The following CAMSAP2 variants were observed in gnomAD, a reference collection of about 807,000 sequenced individuals.
CAMSAP2 encodes calmodulin-regulated spectrin-associated protein 2.
CAMSAP2 carries 26 observed loss-of-function variants against 146.1 expected under a neutral mutation model. The observed-to-expected ratio is 0.18, with a 90% CI of 0.13 to 0.25. The LOEUF (loss-of-function observed/expected upper bound fraction) is 0.25. Among genes scored for constraint, CAMSAP2 ranks in the 10% least tolerant of loss-of-function variants. The probability of loss-of-function intolerance (pLI) is 1.00; values close to 1 mark genes in which losing one functional copy is unlikely to be tolerated. For synonymous variants in CAMSAP2, 499 were observed against 596.6 expected, an observed-to-expected ratio of 0.84 and a Z score of 2.38; for missense variants, 1,381 against 1,759.3, an observed-to-expected ratio of 0.78 and a Z score of 3.85.
At chr1:200,792,354 C>T (rs1476891835) in intron 2 of CAMSAP2, among the ~76,000 whole-genome samples, 1 of 152,164 alleles carries the variant, frequency 6.6e-6, no homozygotes, top group East Asian at 1.9e-4. Flanking sequence ...TATGCATAGA[C>T]ATGCTAAGTT....
At chr1:200,764,869 C>T (rs944911770) in intron 2 of CAMSAP2, among the ~76,000 whole-genome samples, 6 of 152,162 alleles carry the variant, frequency 3.9e-5, no homozygotes, top group Non-Finnish European at 7.4e-5. Flanking sequence ...TTTGGGAGGC[C>T]AAGGCGGGTG....
In CAMSAP2 at chr1:200,848,911, A is replaced by G. The variant is rs1667537912; in HGVS notation, c.2142A>G (p.Pro714=). Reference sequence around the variant, plus strand: ...GAAGCAGTTCTCAAAAAACTACACCAGAAGGCTCTGAACTTAATATTCCTC... The same window carrying G: ...GAAGCAGTTCTCAAAAAACTACACCGGAAGGCTCTGAACTTAATATTCCTC... ...SSGSSSQKTT[P]EGSELNIPHV... is the part of the protein sequence containing the mutation. Residue 714 remains proline, a synonymous_variant, in exon 11 of 17, where the codon CCA becomes CCG. Coordinates refer to ENST00000358823, the MANE Select transcript of CAMSAP2 (RefSeq NM_203459.4). The G allele has an allele frequency of 1.2e-6, 2 of 1,614,082 alleles. No individual in the cohort carries two copies. Among genetic ancestry groups the G allele is most frequent in the Admixed American group, 1.7e-5 (1 of 59,996 alleles).
chr1:200,824,235 C>T (rs199737838), intron 4 of CAMSAP2, among the ~76,000 whole-genome samples: 1 of 141,168 alleles, frequency 7.1e-6, no homozygotes. Context: ...TCATCCATCT[C>T]TTTTTTTTTT....
At chr1:200,842,775 A>C (rs919466662) in intron 7 of CAMSAP2, among the ~76,000 whole-genome samples, 1 of 152,096 alleles carries the variant, frequency 6.6e-6, no homozygotes, top group African/African-American at 2.4e-5. Context: ...CAGGAGTTTG[A>C]AACCAGGCTG....
At chr1:200,807,106 T>TA (rs1457482089) in intron 2 of CAMSAP2, among the ~76,000 whole-genome samples, 1 of 152,062 alleles carries the variant, frequency 6.6e-6, no homozygotes, top group African/African-American at 2.4e-5. Flanking sequence ...CATGACATTA[T>TA]AAAAAATAGG....
chr1:200,773,559 A>G (rs574491603), intron 2 of CAMSAP2, among the ~76,000 whole-genome samples: 22 of 152,216 alleles, frequency 1.4e-4, no homozygotes, highest in Admixed American at 1.3e-4. Flanking sequence ...GTCCGGCCTC[A>G]TCTTTTAAAA....
intron 2 of CAMSAP2, among the ~76,000 whole-genome samples, chr1:200,782,552 G>A (rs1271876437): frequency 6.6e-6 from 1 of 151,976 alleles, no homozygotes; most frequent in Non-Finnish European, 1.5e-5. Context: ...ATAGATGAAA[G>A]CAAACTGCAC....
chr1:200,779,932 G>A (rs558697603), intron 2 of CAMSAP2, among the ~76,000 whole-genome samples: 1 of 152,148 alleles, frequency 6.6e-6, no homozygotes, highest in South Asian at 2.1e-4. Context: ...AGGCAGACAG[G>A]TTCAGAAATT....
intron 2 of CAMSAP2, among the ~76,000 whole-genome samples, chr1:200,762,134 A>G (rs1664818972): frequency 6.6e-6 from 1 of 152,258 alleles, no homozygotes; most frequent in South Asian, 2.1e-4. Flanking sequence ...TATGTAATTT[A>G]GGAAGAATGA....
At chr1:200,758,734 C>T (rs767706826) in intron 1 of CAMSAP2, among the ~76,000 whole-genome samples, 7 of 152,106 alleles carry the variant, frequency 4.6e-5, no homozygotes, top group Non-Finnish European at 1.0e-4. Context: ...TTGGTGCTGC[C>T]TCTGATTTTC....
intron 2 of CAMSAP2, among the ~76,000 whole-genome samples, chr1:200,763,680 A>G (rs1206403530): frequency 6.6e-6 from 1 of 152,216 alleles, no homozygotes; most frequent in East Asian, 1.9e-4. Flanking sequence ...AAAGTTTTCC[A>G]GTTGCTGTGG....
chr1:200,746,926 A>AT (rs551517930), intron 1 of CAMSAP2, among the ~76,000 whole-genome samples: 10 of 149,722 alleles, frequency 6.7e-5, no homozygotes, highest in African/African-American at 9.9e-5. Context: ...GCCTAGTCAC[A>AT]TTTTTTTTAA....
intron 1 of CAMSAP2, among the ~76,000 whole-genome samples, chr1:200,742,364 A>G (rs1225134959): frequency 6.6e-6 from 1 of 152,222 alleles, no homozygotes; most frequent in African/African-American, 2.4e-5. Flanking sequence ...GAATGGATGA[A>G]AAGACCATAT....
intron 3 of CAMSAP2, among the ~76,000 whole-genome samples, chr1:200,810,762 G>T (rs547487345): frequency 1.3e-5 from 2 of 151,778 alleles, no homozygotes; most frequent in Non-Finnish European, 2.9e-5. Flanking sequence ...GGTGGCACGC[G>T]CCTGTAGTCC....
At chr1:200,762,738 G>C (rs1469427569) in intron 2 of CAMSAP2, among the ~76,000 whole-genome samples, 3 of 152,122 alleles carry the variant, frequency 2.0e-5, no homozygotes, top group Non-Finnish European at 2.9e-5. Context: ...TTTTTTTCCA[G>C]TGTAGTTTGT....
intron 1 of CAMSAP2, among the ~76,000 whole-genome samples, chr1:200,751,705 A>G (rs1664512425): frequency 6.6e-6 from 1 of 152,176 alleles, no homozygotes; most frequent in Admixed American, 6.5e-5. Context: ...CCTGGCTAAT[A>G]GTAAGGATGA....
At chr1:200,758,010 C>T (rs1664695589) in intron 1 of CAMSAP2, among the ~76,000 whole-genome samples, 1 of 152,016 alleles carries the variant, frequency 6.6e-6, no homozygotes, top group Non-Finnish European at 1.5e-5. Context: ...AGCTATAATT[C>T]TGTGCTTATC....
At chr1:200,816,772 ACGCGTG>A (rs1666522721) in intron 4 of CAMSAP2, among the ~76,000 whole-genome samples, 1 of 94,720 alleles carries the variant, frequency 1.1e-5, no homozygotes, top group African/African-American at 3.6e-5. Flanking sequence ...GTACACACAC[ACGCGTG>A]TATATATGTG....
chr1:200,742,102 A>T (rs1207269551), intron 1 of CAMSAP2, among the ~76,000 whole-genome samples: 2 of 152,190 alleles, frequency 1.3e-5, no homozygotes, highest in Non-Finnish European at 2.9e-5. Context: ...TTTGCAGATA[A>T]GGTAACTGGC....
Sources: allele counts gnomAD v4.1 joint callset (sites outside exome capture counted in the v4.1 genomes callset), GRCh38; gene constraint gnomAD v4.1.1; transcripts MANE v1.5; gene names NCBI Gene and HGNC (gene_info 2026-07-23, HGNC 2026-07-21).